BST1: variants seen among roughly 807,000 people sequenced by gnomAD.
The protein encoded by BST1 is bone marrow stromal cell antigen 1, also known as ADP-ribosyl cyclase/cyclic ADP-ribose hydrolase 2.
Under a neutral mutation model 40.6 loss-of-function variants are expected in BST1, and 49 were observed. The ratio of observed to expected loss-of-function variants is 1.21; its 90% confidence interval spans 0.96 to 1.53. The LOEUF (loss-of-function observed/expected upper bound fraction) is 1.53, where lower values mean the gene tolerates loss of function less well. Among genes scored for constraint, BST1 ranks in the 40% most tolerant of loss-of-function variants. BST1 has a pLI of 0.00. For synonymous variants in BST1, 157 were observed against 159.3 expected (o/e 0.99, Z 0.11); for missense variants, 423 against 395.9 (o/e 1.07, Z -0.58).
chr4:15,724,185 T>A (rs1720975623), intron 8 of BST1, among the ~76,000 whole-genome samples: 1 of 152,220 alleles, frequency 6.6e-6, no homozygotes, highest in Non-Finnish European at 1.5e-5. Flanking sequence ...TTCTGTACCA[T>A]CTGCCTGCCT....
At chr4:15,762,230 A>C in the BST1 span, among the ~76,000 whole-genome samples, 4 of 150,502 alleles carry the variant, frequency 2.7e-5, no homozygotes, top group Admixed American at 1.3e-4. Flanking sequence ...GAAAGAACTT[A>C]ATTCAAAACC....
Position 15,705,540 on chromosome 4 carries a change from G to A in BST1, c.214G>A (p.Glu72Lys). Residue 72 changes from glutamate (E) to lysine (K), a missense_variant, in exon 2 of 9, where the codon GAA becomes AAA. Physicochemically the swap from Glu to Lys is moderately conservative, Grantham distance 56. Transcript: ENST00000265016. ...GAACAAGAACTGCACAGCCATCTGG[G>A]AAGCCTTTAAAGTGGCGCTGGACAA... ...QRNKNCTAIWEAFKVALDKDP... is the reference protein window; with the variant it reads ...QRNKNCTAIWKAFKVALDKDP... The A allele has an allele frequency of 6.3e-7, 1 of 1,599,802 alleles. No homozygotes were observed. The highest frequency in any genetic ancestry group is 8.5e-7 in the Non-Finnish European group (1 of 1,174,068).
At chr4:15,755,466 G>T in the BST1 span, among the ~76,000 whole-genome samples, 2 of 152,130 alleles carry the variant, frequency 1.3e-5, no homozygotes, top group African/African-American at 2.4e-5. Context: ...ATGCTGCAAT[G>T]ACTAATCTGG....
chr4:15,715,585 A>T, intron 5 of BST1, 122 bp from the exon 6 acceptor site: 1 of 855,450 alleles, frequency 1.2e-6, no homozygotes, highest in Non-Finnish European at 1.7e-6. Context: ...CTAAAAATAA[A>T]AGCTAAAGAA....
chr4:15,731,471 G>A, intron 8 of BST1: 6 of 893,248 alleles, frequency 6.7e-6, no homozygotes, highest in Non-Finnish European at 1.1e-5. Flanking sequence ...TAAGCCTGAC[G>A]GTGCCCGAGA....
chr4:15,715,070 C>T (rs1720431126), intron 4 of BST1, among the ~76,000 whole-genome samples: 2 of 152,088 alleles, frequency 1.3e-5, no homozygotes, highest in African/African-American at 4.8e-5. Context: ...GGGTAGATTC[C>T]CAGACATGGA....
At chr4:15,704,058 TTCTAGAGGTGAGGGGTGTGTGTGTGTAG>T (rs2148875101) in intron 1 of BST1, among the ~76,000 whole-genome samples, 1 of 142,436 alleles carries the variant, frequency 7.0e-6, no homozygotes, top group South Asian at 2.3e-4. Context: ...TGTATCTGTG[TTCTAGAGGTGAGGGGTGTGTGTGTGTAG>T]TCTAGAGGTG....
intron 6 of BST1, among the ~76,000 whole-genome samples, chr4:15,716,523 A>C (rs919948746): frequency 2.6e-5 from 4 of 152,080 alleles, no homozygotes; most frequent in Non-Finnish European, 4.4e-5. Context: ...GTCCCATTGA[A>C]AGTGTTTAGG....
chr4:15,768,562 C>T, the BST1 span, among the ~76,000 whole-genome samples: 10 of 148,172 alleles, frequency 6.7e-5, no homozygotes, highest in African/African-American at 2.0e-4. Flanking sequence ...GGCGCAATCT[C>T]GGCTCACTGC....
chr4:15,704,309 T>G (rs1719753172), intron 1 of BST1, among the ~76,000 whole-genome samples: 1 of 141,158 alleles, frequency 7.1e-6, no homozygotes, highest in Admixed American at 7.0e-5. Flanking sequence ...AGTTGAGGGG[T>G]GTGTGTTCTA....
the BST1 span, among the ~76,000 whole-genome samples, chr4:15,768,686 T>C: frequency 1.3e-5 from 2 of 151,356 alleles, no homozygotes; most frequent in Non-Finnish European, 2.9e-5. Context: ...TTAGTAGAGA[T>C]GGGGTTTCAC....
chr4:15,735,381 CA>C (rs1176430789), downstream of BST1, among the ~76,000 whole-genome samples: 2 of 152,136 alleles, frequency 1.3e-5, no homozygotes, highest in Non-Finnish European at 2.9e-5. Context: ...GTAGACCTTC[CA>C]CGTGTGAATG....
At chr4:15,735,900 T>C (rs2148899265), downstream of BST1, among the ~76,000 whole-genome samples, 1 of 152,242 alleles carries the variant, frequency 6.6e-6, no homozygotes, top group Middle Eastern at 3.4e-3. Context: ...ACTTCACTTT[T>C]TTCCCGAATA....
intron 7 of BST1, among the ~76,000 whole-genome samples, chr4:15,719,376 G>A (rs2148888066): frequency 6.6e-6 from 1 of 152,188 alleles, no homozygotes; most frequent in Admixed American, 6.5e-5. Flanking sequence ...CTTGTTTGAG[G>A]TATTTACAGA....
At chr4:15,707,853 C>CTATATATA (rs1427610773) in intron 3 of BST1, among the ~76,000 whole-genome samples, 17 of 108,356 alleles carry the variant, frequency 1.6e-4, no homozygotes, top group Admixed American at 2.9e-4. Context: ...CTCTCTCTCT[C>CTATATATA]TCTATATATA....
the BST1 span, chr4:15,743,358 G>A: frequency 2.9e-6 from 1 of 342,096 alleles, no homozygotes. Context: ...CATGACTTCG[G>A]TGGATGAGAC....
At chr4:15,713,593 G>A (rs1393779467) in intron 4 of BST1, among the ~76,000 whole-genome samples, 1 of 152,180 alleles carries the variant, frequency 6.6e-6, no homozygotes, top group Non-Finnish European at 1.5e-5. Flanking sequence ...CCAGGATTAT[G>A]GAACTGACAA....
chr4:15,772,333 A>G, the BST1 span, among the ~76,000 whole-genome samples: 2 of 152,218 alleles, frequency 1.3e-5, 1 homozygote, highest in South Asian at 4.1e-4. Context: ...AAGAAAGTAC[A>G]TGCCCAGAAC....
At chr4:15,772,417 A>G in the BST1 span, among the ~76,000 whole-genome samples, 1 of 152,230 alleles carries the variant, frequency 6.6e-6, no homozygotes, top group Non-Finnish European at 1.5e-5. Flanking sequence ...CAAAACCCAC[A>G]TTTCTCAGTC....
Sources: allele counts gnomAD v4.1 joint callset (sites outside exome capture counted in the v4.1 genomes callset), GRCh38; gene constraint gnomAD v4.1.1; transcripts MANE v1.5; gene names NCBI Gene and HGNC (gene_info 2026-07-23, HGNC 2026-07-21).